THADA: variants seen among roughly 807,000 people sequenced by gnomAD.
THADA encodes THADA armadillo repeat containing.
Under a neutral mutation model 219.8 loss-of-function variants are expected in THADA, and 213 were observed. The observed-to-expected ratio is 0.97, with a 90% CI of 0.87 to 1.09. The LOEUF (loss-of-function observed/expected upper bound fraction) is 1.09. Ranked by LOEUF, THADA falls within the 50% of genes least tolerant of loss-of-function variation. THADA has a pLI of 0.00. For missense variants in THADA, 2,956 were observed against 2,311.3 expected, an observed-to-expected ratio of 1.28 and a Z score of -5.72; for synonymous variants, 1,018 against 828.9, an observed-to-expected ratio of 1.23 and a Z score of -3.92.
At chr2:43,430,442 C>T (rs1010309310) in intron 26 of THADA, 140 bp from the exon 27 acceptor site, 4 of 573,282 alleles carry the variant, frequency 7.0e-6, no homozygotes, top group Non-Finnish European at 1.2e-5. Context: ...TCTACAGCAT[C>T]TTAAGAATTT....
intron 31 of THADA, among the ~76,000 whole-genome samples, chr2:43,318,442 C>T (rs551665926): frequency 2.2e-4 from 34 of 152,126 alleles, no homozygotes; most frequent in Non-Finnish European, 4.4e-4. Flanking sequence ...CCAACACATA[C>T]ATAATTAATA....
At position 43,392,563 on chromosome 2, in the gene THADA, G is replaced by A. The variant is rs76114630; in HGVS notation, c.4227+5408C>T. Among the ~76,000 whole-genome samples, 536 of 152,036 alleles carry A rather than the reference G, an allele frequency of 3.5e-3. 2 individuals are homozygous for A. The highest frequency in any genetic ancestry group is 0.012 in the African/African-American group (509 of 41,472). ...TTCTTTGTTTTCTGGTTTTCTTCCCGTAAAGGTAATGCTAAAGTCTACTCC... is the reference window on the plus strand; with the variant it reads ...TTCTTTGTTTTCTGGTTTTCTTCCCATAAAGGTAATGCTAAAGTCTACTCC... On this transcript the variant is annotated intron_variant, in intron 29 of 37. Coordinates refer to ENST00000405975, the MANE Select transcript of THADA (RefSeq NM_022065.5).
chr2:43,536,602 G>C (rs750122554), intron 21 of THADA, among the ~76,000 whole-genome samples: 1 of 151,992 alleles, frequency 6.6e-6, no homozygotes, highest in African/African-American at 2.4e-5. Flanking sequence ...TGGACTCACA[G>C]GGTATAAATT....
At chr2:43,530,682 T>C (rs1396167728) in intron 21 of THADA, among the ~76,000 whole-genome samples, 1 of 152,246 alleles carries the variant, frequency 6.6e-6, no homozygotes, top group Non-Finnish European at 1.5e-5. Context: ...ACAAAGTGCT[T>C]CTCTGTGGAT....
At chr2:43,471,782 A>G (rs1346283544) in intron 26 of THADA, among the ~76,000 whole-genome samples, 6 of 152,146 alleles carry the variant, frequency 3.9e-5, no homozygotes, top group Non-Finnish European at 8.8e-5. Context: ...CACTATTGTC[A>G]CTTCACAATA....
chr2:43,230,928 C>A lies in THADA; in HGVS notation c.*20G>T, dbSNP rs748509790. On this transcript the variant is annotated 3_prime_UTR_variant, in exon 38 of 38. Coordinates refer to ENST00000405975, the MANE Select transcript of THADA (RefSeq NM_022065.5). ...AGGAAAAATCCACACATACCCCCAT[C>A]CCAATCCCCCAGATTTTCTTCAACA... 10 of 1,590,996 alleles carry A rather than the reference C, an allele frequency of 6.3e-6. 1 individual carries two copies. In the South Asian group the frequency reaches 1.1e-4, roughly 18 times the overall value.
At chr2:43,524,371 C>T (rs896403130) in intron 22 of THADA, among the ~76,000 whole-genome samples, 2 of 152,192 alleles carry the variant, frequency 1.3e-5, no homozygotes, top group African/African-American at 4.8e-5. Flanking sequence ...CCAATTCAAA[C>T]AATGTGGGTC....
intron 29 of THADA, among the ~76,000 whole-genome samples, chr2:43,364,082 G>A (rs994372640): frequency 2.1e-5 from 3 of 143,774 alleles, no homozygotes; most frequent in Non-Finnish European, 4.5e-5. Context: ...AAATTATATG[G>A]GTGTGACGGT....
chr2:43,500,519 T>C (rs947792834), intron 24 of THADA, among the ~76,000 whole-genome samples: 1 of 152,282 alleles, frequency 6.6e-6, no homozygotes, highest in South Asian at 2.1e-4. Context: ...CAAAGATAAA[T>C]TGAAAAATCA....
chr2:43,558,132 A>G (rs1697607791), intron 16 of THADA, among the ~76,000 whole-genome samples: 1 of 152,208 alleles, frequency 6.6e-6, no homozygotes, highest in African/African-American at 2.4e-5. Flanking sequence ...TCTTAGGTCA[A>G]TCGAAGTATA....
chr2:43,345,803 G>C (rs185364960), intron 29 of THADA, among the ~76,000 whole-genome samples: 1 of 152,082 alleles, frequency 6.6e-6, no homozygotes, highest in East Asian at 1.9e-4. Flanking sequence ...GCATGACTTC[G>C]GAATTTACTT....
At chr2:43,587,187 T>G (rs1045207852) in intron 4 of THADA, among the ~76,000 whole-genome samples, 185 bp from the exon 5 acceptor site, 5 of 152,132 alleles carry the variant, frequency 3.3e-5, no homozygotes, top group Non-Finnish European at 7.4e-5. Flanking sequence ...TCTCCCTGCT[T>G]CCACCTTGCT....
chr2:43,556,899 T>A (rs1354668170), intron 16 of THADA, among the ~76,000 whole-genome samples: 2 of 151,986 alleles, frequency 1.3e-5, no homozygotes, highest in Non-Finnish European at 1.5e-5. Flanking sequence ...GACAAAAAAC[T>A]TACTCTACAA....
At chr2:43,235,402 T>G (rs1667922246) in intron 36 of THADA, among the ~76,000 whole-genome samples, 1 of 152,070 alleles carries the variant, frequency 6.6e-6, no homozygotes, top group Non-Finnish European at 1.5e-5. Flanking sequence ...TAAGAGATTC[T>G]CCTGCCTCAG....
intron 26 of THADA, among the ~76,000 whole-genome samples, chr2:43,453,696 A>AT (rs1378757552): frequency 6.6e-6 from 1 of 152,184 alleles, no homozygotes; most frequent in African/African-American, 2.4e-5. Context: ...CTGGAAAGGA[A>AT]TTTGCTTGGC....
At chr2:43,237,255 C>A (rs988485122) in intron 36 of THADA, among the ~76,000 whole-genome samples, 1 of 151,986 alleles carries the variant, frequency 6.6e-6, no homozygotes, top group Non-Finnish European at 1.5e-5. Context: ...GGGGAAAAAA[C>A]GGTCTTTTCA....
At chr2:43,488,117 C>A (rs895623879) in intron 25 of THADA, among the ~76,000 whole-genome samples, 3 of 152,124 alleles carry the variant, frequency 2.0e-5, no homozygotes, top group Non-Finnish European at 4.4e-5. Context: ...ATAATTAGTT[C>A]ATGCCATACC....
At chr2:43,314,923 T>C (rs1241881211) in intron 31 of THADA, among the ~76,000 whole-genome samples, 1 of 152,254 alleles carries the variant, frequency 6.6e-6, no homozygotes, top group Non-Finnish European at 1.5e-5. Flanking sequence ...GGAAGCACTA[T>C]GATAAAAGTT....
intron 12 of THADA, among the ~76,000 whole-genome samples, chr2:43,572,547 G>A (rs915861003): frequency 2.6e-5 from 4 of 152,142 alleles, no homozygotes; most frequent in Non-Finnish European, 4.4e-5. Flanking sequence ...ATGTATTTAA[G>A]GGCACATGAT....
Sources: gnomAD v4.1 joint callset for allele counts (sites outside exome capture counted in the v4.1 genomes callset) on GRCh38, gnomAD v4.1.1 for gene constraint, MANE v1.5 for transcripts, NCBI Gene and HGNC (gene_info 2026-07-23, HGNC 2026-07-21) for gene names.